The following DCDC1 variants were observed in gnomAD, a reference collection of about 807,000 sequenced individuals.
The protein encoded by DCDC1 is doublecortin domain-containing protein 1.
DCDC1 carries 200 observed loss-of-function variants against 178.3 expected under a neutral mutation model. The ratio of observed to expected loss-of-function variants is 1.12; its 90% CI spans 1.00 to 1.26. The LOEUF is 1.26. Ranked by LOEUF, DCDC1 falls within the 50% of genes most tolerant of loss-of-function variation. The pLI is 0.00. For synonymous variants in DCDC1, 690 were observed against 604.8 expected (o/e 1.14, Z -2.07); for missense variants, 1,983 against 1,749.2 (o/e 1.13, Z -2.38).
chr11:31,192,664 AC>A (rs1239467104), intron 9 of DCDC1, among the ~76,000 whole-genome samples: 1 of 152,116 alleles, frequency 6.6e-6, no homozygotes, highest in Non-Finnish European at 1.5e-5. Context: ...CTACCATAGT[AC>A]CTTGTTTTCA....
chr11:31,195,982 G>T (rs1970648068), intron 9 of DCDC1, among the ~76,000 whole-genome samples: 1 of 151,712 alleles, frequency 6.6e-6, no homozygotes, highest in Non-Finnish European at 1.5e-5. Flanking sequence ...ATTCCTCCTT[G>T]TTACCCTCCT....
intron 9 of DCDC1, among the ~76,000 whole-genome samples, chr11:31,170,718 T>A (rs1411860538): frequency 6.6e-6 from 1 of 152,242 alleles, no homozygotes; most frequent in African/African-American, 2.4e-5. Context: ...GCATCAAAGA[T>A]GTCTGTTGCC....
At chr11:31,053,510 A>T (rs1296821931) in intron 20 of DCDC1, among the ~76,000 whole-genome samples, 1 of 152,084 alleles carries the variant, frequency 6.6e-6, no homozygotes, top group Non-Finnish European at 1.5e-5. Context: ...ACCAAAACCC[A>T]GAAAGGACAT....
chr11:31,358,394 G>A (rs1303098133), intron 1 of DCDC1, among the ~76,000 whole-genome samples: 3 of 151,684 alleles, frequency 2.0e-5, no homozygotes, highest in Admixed American at 6.6e-5. Context: ...TATGTAGAAA[G>A]CTGAAACTGG....
At chr11:30,987,541 T>C (rs1848395) in intron 20 of DCDC1, among the ~76,000 whole-genome samples, 6,549 of 152,252 alleles carry the variant, frequency 0.043, 186 homozygotes, top group Non-Finnish European at 0.062. Context: ...ATGATAGAGA[T>C]GGACTGTATG....
intron 29 of DCDC1, among the ~76,000 whole-genome samples, chr11:30,907,678 G>A (rs1299902375): frequency 6.6e-6 from 1 of 151,982 alleles, no homozygotes; most frequent in Non-Finnish European, 1.5e-5. Flanking sequence ...GGTGAGGGAC[G>A]CCATCTTTGA....
chr11:31,241,056 G>A (rs950508793), intron 9 of DCDC1, among the ~76,000 whole-genome samples: 3 of 151,900 alleles, frequency 2.0e-5, no homozygotes, highest in Admixed American at 6.6e-5. Context: ...AATGTGATTT[G>A]TTGTATTCTA....
chr11:30,970,450 G>T (rs1247554836), intron 20 of DCDC1, among the ~76,000 whole-genome samples: 1 of 152,156 alleles, frequency 6.6e-6, no homozygotes, highest in African/African-American at 2.4e-5. Context: ...GGGCTGAAGT[G>T]CAAGCTGTAA....
chr11:31,249,210 C>T (rs913295911), intron 8 of DCDC1, among the ~76,000 whole-genome samples: 2 of 152,018 alleles, frequency 1.3e-5, no homozygotes, highest in Admixed American at 1.3e-4. Flanking sequence ...TAAAAGAGGG[C>T]TTATGTTTTA....
intron 20 of DCDC1, among the ~76,000 whole-genome samples, chr11:31,051,474 A>G (rs1238995362): frequency 6.6e-6 from 1 of 152,222 alleles, no homozygotes; most frequent in East Asian, 1.9e-4. Context: ...AGCACAAAGA[A>G]CACCTGGGAA....
chr11:31,310,308 ATTTTTTTTTT>A (rs11407483), intron 3 of DCDC1, among the ~76,000 whole-genome samples: 7 of 53,882 alleles, frequency 1.3e-4, no homozygotes, highest in African/African-American at 1.7e-4. Flanking sequence ...GTAATTCTTG[ATTTTTTTTTT>A]TTTTTTTTTT....
chr11:31,348,318 A>T lies in DCDC1; in HGVS notation c.-124-12754T>A, dbSNP rs1402522030. ...AAGCATGCATGTGGAAGAAAGACAC[A>T]AGTGAAGAAAAGAAATCTGGAATTA... On this transcript the variant is annotated intron_variant, in intron 1 of 38. Coordinates refer to ENST00000684477, the MANE Select transcript of DCDC1 (RefSeq NM_001387274.1). 3.9e-5 allele frequency among the ~76,000 whole-genome samples: 6 copies of T among 152,220 alleles called. No homozygotes were observed. In the South Asian group the frequency reaches 6.2e-4, roughly 16 times the overall value.
intron 13 of DCDC1, 123 bp downstream of exon 13, chr11:31,106,674 A>G (rs1958870436): frequency 1.5e-6 from 1 of 679,220 alleles, no homozygotes; most frequent in Non-Finnish European, 2.6e-6. Flanking sequence ...CACCTCTAAA[A>G]TTTTATTGGA....
At chr11:31,208,289 T>C (rs1011623585) in intron 9 of DCDC1, among the ~76,000 whole-genome samples, 3 of 152,212 alleles carry the variant, frequency 2.0e-5, no homozygotes, top group African/African-American at 7.2e-5. Context: ...CCAATGTTTT[T>C]GGCTCAGGCT....
Position 30,935,292 on chromosome 11 carries a change from C to T in DCDC1, c.2716-3340G>A, listed in dbSNP as rs535756393. Among the ~76,000 whole-genome samples, 14 of 152,296 alleles carry T rather than the reference C, an allele frequency of 9.2e-5. No homozygotes were observed. In the East Asian group the frequency reaches 2.7e-3, roughly 30 times the overall value. On this transcript the variant is annotated intron_variant, in intron 21 of 38. Transcript: ENST00000684477. ...GGGGCAGGGTAACACCCTACTGTAC[C>T]TTGTATCTGGTTCAGGGCAAAGATA... is the stretch of plus-strand genomic sequence containing the variant.
At chr11:30,986,403 G>A (rs1184527457) in intron 20 of DCDC1, among the ~76,000 whole-genome samples, 1 of 151,084 alleles carries the variant, frequency 6.6e-6, no homozygotes, top group Non-Finnish European at 1.5e-5. Flanking sequence ...CATGACCCTG[G>A]CTCACTGTAA....
intron 3 of DCDC1, among the ~76,000 whole-genome samples, chr11:31,311,255 A>G (rs1002633321): frequency 1.3e-5 from 2 of 152,186 alleles, no homozygotes; most frequent in Non-Finnish European, 2.9e-5. Context: ...CATATGGGAA[A>G]GTACCTAGCA....
chr11:31,301,353 T>C (rs1381378804), intron 6 of DCDC1, among the ~76,000 whole-genome samples: 1 of 152,210 alleles, frequency 6.6e-6, no homozygotes, highest in Non-Finnish European at 1.5e-5. Flanking sequence ...GGTTGCCCTG[T>C]AGGTGAACAC....
intron 8 of DCDC1, among the ~76,000 whole-genome samples, chr11:31,264,383 G>A (rs952567027): frequency 7.9e-5 from 12 of 152,140 alleles, no homozygotes; most frequent in Non-Finnish European, 1.3e-4. Context: ...TGTATGGAAA[G>A]TACTAGGAAA....
Sources: gnomAD v4.1 joint callset for allele counts (sites outside exome capture counted in the v4.1 genomes callset) on GRCh38, gnomAD v4.1.1 for gene constraint, MANE v1.5 for transcripts, NCBI Gene and HGNC (gene_info 2026-07-23, HGNC 2026-07-21) for gene names.